TEDC1: variants seen among roughly 807,000 people sequenced by gnomAD.
The protein encoded by TEDC1 is tubulin epsilon and delta complex protein 1.
A neutral mutation model predicts 59.9 loss-of-function variants in TEDC1; 54 were observed. The observed-to-expected ratio is 0.90, with a 90% CI of 0.72 to 1.13. The LOEUF is 1.13. TEDC1 is among the 50% of genes most tolerant of loss of function. The probability of loss-of-function intolerance (pLI) is 0.00; values close to 1 mark genes in which losing one functional copy is unlikely to be tolerated. For synonymous variants in TEDC1, 353 were observed against 298.1 expected, an observed-to-expected ratio of 1.18 and a Z score of -1.90; for missense variants, 734 against 683.4, an observed-to-expected ratio of 1.07 and a Z score of -0.83.
chr14:105,492,873 A>G, intron 4 of TEDC1, 139 bp downstream of exon 4: 1 of 1,238,212 alleles, frequency 8.1e-7, no homozygotes, highest in Non-Finnish European at 1.1e-6. Flanking sequence ...GGCTTACCCA[A>G]AGCCTGAGCC....
At chr14:105,498,505 G>A (rs587685597) in intron 8 of TEDC1, 112 bp from the exon 9 acceptor site, 235 of 1,191,550 alleles carry the variant, frequency 2.0e-4, no homozygotes, top group Non-Finnish European at 2.5e-4. Context: ...GAGCATGGGC[G>A]TTTCCCGCAT....
rs200143862 is a variant in TEDC1, at chr14:105,497,957, C to T, written c.1138C>T (p.Arg380Trp). 177 of 1,535,192 alleles carry T rather than the reference C, an allele frequency of 1.2e-4. No individual in the cohort carries two copies. The Middle Eastern group carries it at 1.5e-3, about 13-fold the overall frequency. The change falls in exon 8 of 9, where the codon CGG becomes TGG. Residue 380 changes from arginine (R) to tryptophan (W), a missense_variant. Physicochemically the swap from Arg to Trp is moderately radical, Grantham distance 101. Coordinates refer to ENST00000392523, the MANE Select transcript of TEDC1 (RefSeq NM_001367178.1). The stretch of plus-strand genomic sequence containing the variant: ...GCTGCGGGAGGCTGCGGAGCGCAGG[C>T]GGGCGGCCTGGGAGGCCAAGGTGAG... ...EELREAAERR[R>W]AAWEAKAGGC...
At chr14:105,491,242 G>A, upstream of TEDC1, 1 of 1,538,042 alleles carries the variant, frequency 6.5e-7, no homozygotes, top group Non-Finnish European at 8.7e-7. Context: ...CCATGATTGG[G>A]CTCAGGTTCC....
chr14:105,492,515 A>G (rs2084239516), intron 3 of TEDC1, 64 bp from the exon 4 acceptor site: 5 of 1,511,566 alleles, frequency 3.3e-6, no homozygotes, highest in Admixed American at 2.1e-5. Context: ...TACCGTCTCC[A>G]TCCTGGCCTT....
intron 5 of TEDC1, chr14:105,494,178 C>T (rs1437076566): frequency 5.3e-6 from 3 of 566,434 alleles, no homozygotes; most frequent in East Asian, 3.0e-5. Context: ...GGTGGGGGCC[C>T]AGGACGCAGG....
At chr14:105,490,914 G>T, upstream of TEDC1, 1 of 1,018,940 alleles carries the variant, frequency 9.8e-7, no homozygotes, top group Non-Finnish European at 1.5e-6. Context: ...TGAGCGAGGC[G>T]GGGTGTCGGG....
chr14:105,497,201 G>GGCCA, intron 6 of TEDC1, 156 bp from the exon 7 acceptor site: 1 of 755,124 alleles, frequency 1.3e-6, no homozygotes, highest in Admixed American at 2.3e-5. Flanking sequence ...TCATCGCTCT[G>GGCCA]GCCAGAGAAC....
At chr14:105,490,886 G>A (rs1277996444), upstream of TEDC1, 3 of 859,756 alleles carry the variant, frequency 3.5e-6, no homozygotes. Context: ...GGGGCGTGAG[G>A]CGCTGATGGG....
chr14:105,496,149 T>TGGGGGG, intron 6 of TEDC1, 63 bp downstream of exon 6: 1 of 81,278 alleles, frequency 1.2e-5, no homozygotes, highest in South Asian at 3.6e-4. Context: ...TGGGAGGGGG[T>TGGGGGG]GGCGAGGGGG....
In TEDC1 at chr14:105,491,262, G is replaced by A. The variant is rs782524145; in HGVS notation, c.-114G>A. 2.0e-6 allele frequency: 3 copies of A among 1,529,048 alleles called. No individual in the cohort carries two copies. Among genetic ancestry groups the A allele is most frequent in the Non-Finnish European group, 2.6e-6 (3 of 1,140,582 alleles). 94.7% of individuals were successfully genotyped at this position (1,529,048 alleles called of 1,614,324 possible). ...ATTGGGCTCAGGTTCCAGCCGGAGC[G>A]GTAACTGGGCGCAGGTCCCAGCCGC... On this transcript the variant is annotated 5_prime_UTR_variant, in exon 1 of 9. Coordinates refer to ENST00000392523, the MANE Select transcript of TEDC1 (RefSeq NM_001367178.1).
chr14:105,493,770 G>A, intron 4 of TEDC1, 65 bp from the exon 5 acceptor site: 3 of 1,188,944 alleles, frequency 2.5e-6, no homozygotes, highest in Non-Finnish European at 3.7e-6. Flanking sequence ...TGGACTCATG[G>A]AGACTCAGCG....
rs2084244984 is a variant in TEDC1, at chr14:105,492,718, G to A, written c.569G>A (p.Cys190Tyr). 2.6e-6 allele frequency: 4 copies of A among 1,543,088 alleles called. No homozygotes were observed. The highest frequency in any genetic ancestry group is 1.2e-5 in the South Asian group (1 of 84,064). ...CTGGTGTCCAGTCAGCAGGAGCAGT[G>A]CGCCCTCCTGAGCAAGGTAGAGCTG... ...RQLVSSQQEQ[C>Y]ALLSKIHLYT... Residue 190 changes from cysteine to tyrosine, a missense_variant, in exon 4 of 9, where the codon TGC becomes TAC. Cys to Tyr is a radical substitution (Grantham distance 194). Coordinates refer to ENST00000392523, the MANE Select transcript of TEDC1 (RefSeq NM_001367178.1).
At chr14:105,491,844 T>C (rs1567072211) in intron 2 of TEDC1, 144 bp downstream of exon 2, 3 of 1,060,716 alleles carry the variant, frequency 2.8e-6, no homozygotes, top group Admixed American at 2.3e-5. Flanking sequence ...AAACTCCGCC[T>C]TCCCCGGTAA....
At position 105,498,904 on chromosome 14, in the gene TEDC1, A is replaced by G; in HGVS notation, c.1446A>G (p.Gly482=). Reference sequence around the variant, plus strand: ...GGCAGGAACTGGCCAGGCTGGTGGGAGCCCGCCCTGGTCTCATCTGGATCC... The same window carrying G: ...GGCAGGAACTGGCCAGGCTGGTGGGGGCCCGCCCTGGTCTCATCTGGATCC... The part of the protein sequence containing the change: ...QCRQELARLV[G]ARPGLIWIPP... Residue 482 remains glycine (G), a synonymous_variant, in exon 9 of 9, where the codon GGA becomes GGG. Coordinates refer to ENST00000392523, the MANE Select transcript of TEDC1 (RefSeq NM_001367178.1). The G allele has an allele frequency of 6.2e-7, 1 of 1,608,642 alleles. No homozygotes were observed. Among genetic ancestry groups the G allele is most frequent in the Non-Finnish European group, 8.5e-7 (1 of 1,178,996 alleles).
Position 105,491,538 on chromosome 14 carries a change from A to C in TEDC1, c.147+16A>C, listed in dbSNP as rs587735601. ...TCCGGAGGCGGTGACGCTCTCGCGG[A>C]GGGCAGGCGGGCCGGGTGGGGTCCC... On this transcript the variant is annotated intron_variant, in intron 1 of 8. Transcript: ENST00000392523. The C allele has an allele frequency of 3.9e-6, 6 of 1,526,074 alleles. No homozygotes were observed. The Admixed American group carries it at 1.0e-4, about 26-fold the overall frequency. The allele number at this position is 1,526,074 out of a possible 1,614,324, so 94.5% of individuals were successfully genotyped here.
chr14:105,492,077 T>C lies in TEDC1; in HGVS notation c.227-30T>C, dbSNP rs782633199. 3.8e-6 allele frequency: 6 copies of C among 1,559,698 alleles called. No homozygotes were observed. In the South Asian group the frequency reaches 4.6e-5, roughly 12 times the overall value. ...GGTGGTGTCACCTCCAGGTGGGTGG[T>C]CCCCCTAAGGTGGTGGTCTTCTGTC... is the stretch of plus-strand genomic sequence containing the variant. On this transcript the variant is annotated intron_variant, in intron 2 of 8. Transcript: ENST00000392523.
chr14:105,496,146 G>GGGGGGCCCCCC, intron 6 of TEDC1, 60 bp downstream of exon 6: 1 of 331,608 alleles, frequency 3.0e-6, no homozygotes, highest in Non-Finnish European at 5.9e-6. Context: ...GGGTGGGAGG[G>GGGGGGCCCCCC]GGTGGCGAGG....
rs201434023 is a variant in TEDC1, at chr14:105,498,966, C to T, written c.*20C>T. Reference sequence around the variant, plus strand: ...CGCTGAGGGCCTGTCGACGGGCCCTCGTGTGGGAAGCCTGCCCTGGCCCAG... The same window carrying T: ...CGCTGAGGGCCTGTCGACGGGCCCTTGTGTGGGAAGCCTGCCCTGGCCCAG... On this transcript the variant is annotated 3_prime_UTR_variant, in exon 9 of 9. Coordinates refer to ENST00000392523, the MANE Select transcript of TEDC1 (RefSeq NM_001367178.1). 9.6e-5 allele frequency: 152 copies of T among 1,580,006 alleles called. 1 individual carries two copies. The highest frequency in any genetic ancestry group is 6.6e-4 in the South Asian group (57 of 86,560).
chr14:105,496,261 C>T (rs1555440438), intron 6 of TEDC1, 175 bp downstream of exon 6: 1 of 668,300 alleles, frequency 1.5e-6, no homozygotes, highest in African/African-American at 1.8e-5. Context: ...CGGCCGTACC[C>T]ATGGTGGAGG....
Sources: allele counts gnomAD v4.1 joint callset, GRCh38; gene constraint gnomAD v4.1.1; transcripts MANE v1.5; gene names NCBI Gene and HGNC (gene_info 2026-07-23, HGNC 2026-07-21).